Variants in ASIC2 observed in about 807,000 individuals in gnomAD.
The protein encoded by ASIC2 is acid-sensing ion channel 2.
Under a neutral mutation model 57.3 loss-of-function variants are expected in ASIC2, and 25 were observed. The observed-to-expected ratio is 0.44, with a 90% CI of 0.32 to 0.61. The LOEUF (loss-of-function observed/expected upper bound fraction) is 0.61. Among genes scored for constraint, ASIC2 ranks in the 20% least tolerant of loss-of-function variants. ASIC2 has a pLI of 0.06. For synonymous variants in ASIC2, 319 were observed against 307.5 expected (o/e 1.04, Z -0.39); for missense variants, 641 against 738.1 (o/e 0.87, Z 1.52).
At chr17:33,286,598 C>T (rs1273116051) in intron 1 of ASIC2, among the ~76,000 whole-genome samples, 1 of 152,180 alleles carries the variant, frequency 6.6e-6, no homozygotes, top group African/African-American at 2.4e-5. Context: ...TTTCATGTCT[C>T]TGAACTCTTG....
intron 2 of ASIC2, among the ~76,000 whole-genome samples, chr17:33,104,411 C>A (rs754528353): frequency 2.6e-5 from 4 of 152,186 alleles, no homozygotes; most frequent in Non-Finnish European, 4.4e-5. Flanking sequence ...TGGACACAGC[C>A]ATGGAACCAA....
At chr17:34,091,247 T>C (rs912635534) in intron 1 of ASIC2, among the ~76,000 whole-genome samples, 2 of 152,260 alleles carry the variant, frequency 1.3e-5, no homozygotes, top group African/African-American at 4.8e-5. Context: ...TCTTTTCACA[T>C]AATCCAATTG....
chr17:33,357,680 T>C (rs529752585), intron 1 of ASIC2, among the ~76,000 whole-genome samples: 86 of 152,294 alleles, frequency 5.6e-4, no homozygotes, highest in African/African-American at 2.0e-3. Context: ...CGATGGAATG[T>C]CAAATTCCAG....
chr17:33,757,222 T>C (rs1397959087), intron 1 of ASIC2, among the ~76,000 whole-genome samples: 1 of 152,224 alleles, frequency 6.6e-6, no homozygotes, highest in Non-Finnish European at 1.5e-5. Flanking sequence ...TTCTCTTTGC[T>C]GTCATTGTAC....
At chr17:33,285,393 C>T (rs1353163914) in intron 1 of ASIC2, among the ~76,000 whole-genome samples, 2 of 152,182 alleles carry the variant, frequency 1.3e-5, no homozygotes, top group Non-Finnish European at 2.9e-5. Flanking sequence ...GTACATTTCC[C>T]CCCTTAATTA....
chr17:33,180,752 C>G (rs1905949729), intron 1 of ASIC2, among the ~76,000 whole-genome samples: 1 of 152,136 alleles, frequency 6.6e-6, no homozygotes, highest in Non-Finnish European at 1.5e-5. Flanking sequence ...TTCCTATTGA[C>G]CAGACTCCTA....
At chr17:33,469,565 C>G (rs909048407) in intron 1 of ASIC2, among the ~76,000 whole-genome samples, 1 of 152,122 alleles carries the variant, frequency 6.6e-6, no homozygotes, top group East Asian at 1.9e-4. Flanking sequence ...TGCATGGACC[C>G]TCTGGAGCCA....
rs138311318 is a variant in ASIC2 at position 33,715,495 on chromosome 17, A to T, written c.555+440483T>A. Among the ~76,000 whole-genome samples the T allele has an allele frequency of 3.4e-3, 522 of 152,260 alleles. 2 individuals carry two copies. The highest frequency in any genetic ancestry group is 0.012 in the African/African-American group (497 of 41,550). On this transcript the variant is annotated intron_variant, in intron 1 of 9. Coordinates refer to the ASIC2 transcript ENST00000359872. The stretch of plus-strand genomic sequence containing the variant: ...CAGAGCTGTGTGGAGCAAAGCACAC[A>T]TCCTAGTTTTAATTGAGTTGTAGAA...
intron 1 of ASIC2, among the ~76,000 whole-genome samples, chr17:33,196,428 T>C (rs566252289): frequency 1.3e-5 from 2 of 152,004 alleles, no homozygotes; most frequent in African/African-American, 4.8e-5. Flanking sequence ...TAAAAATACA[T>C]GGGGTACCTG....
intron 1 of ASIC2, among the ~76,000 whole-genome samples, chr17:33,823,525 C>T (rs1397679755): frequency 6.6e-6 from 1 of 152,162 alleles, no homozygotes; most frequent in Non-Finnish European, 1.5e-5. Flanking sequence ...AGCTTCCAGC[C>T]GTGTCTGTGA....
At chr17:33,626,119 A>G (rs755154578) in intron 1 of ASIC2, among the ~76,000 whole-genome samples, 7 of 152,216 alleles carry the variant, frequency 4.6e-5, no homozygotes, top group Non-Finnish European at 8.8e-5. Context: ...GCAGCTGTAG[A>G]ATGCAGTGGG....
intron 1 of ASIC2, among the ~76,000 whole-genome samples, chr17:34,097,524 G>T (rs1398634004): frequency 1.3e-5 from 2 of 152,146 alleles, no homozygotes; most frequent in Admixed American, 6.5e-5. Flanking sequence ...CTAAAGTGAG[G>T]TCACACTGGA....
At chr17:33,253,989 G>A (rs1169672685) in intron 1 of ASIC2, among the ~76,000 whole-genome samples, 1 of 152,062 alleles carries the variant, frequency 6.6e-6, no homozygotes, top group African/African-American at 2.4e-5. Flanking sequence ...TTTTTGTTTT[G>A]TGAACTACAG....
At chr17:33,982,589 T>C (rs919371617) in intron 1 of ASIC2, among the ~76,000 whole-genome samples, 2 of 152,248 alleles carry the variant, frequency 1.3e-5, no homozygotes, top group African/African-American at 4.8e-5. Flanking sequence ...ATCTAGTGTC[T>C]CTCTGTATTT....
chr17:33,092,969 C>T (rs970366530), intron 2 of ASIC2, among the ~76,000 whole-genome samples: 1 of 152,136 alleles, frequency 6.6e-6, no homozygotes, highest in Admixed American at 6.5e-5. Flanking sequence ...TGCCTAGGTT[C>T]TGGAGGACAC....
intron 1 of ASIC2, among the ~76,000 whole-genome samples, chr17:33,985,004 T>C (rs1330379923): frequency 1.3e-5 from 2 of 152,164 alleles, no homozygotes; most frequent in East Asian, 1.9e-4. Context: ...AAAGTGGCAT[T>C]TGGGGACTGC....
At chr17:33,213,133 C>T (rs1025016112) in intron 1 of ASIC2, among the ~76,000 whole-genome samples, 1 of 152,238 alleles carries the variant, frequency 6.6e-6, no homozygotes, top group Non-Finnish European at 1.5e-5. Flanking sequence ...TCTTGAGGCT[C>T]CTTGTGTTGG....
intron 1 of ASIC2, among the ~76,000 whole-genome samples, chr17:33,990,526 C>T (rs996541731): frequency 5.9e-5 from 9 of 152,142 alleles, no homozygotes; most frequent in Non-Finnish European, 1.3e-4. Flanking sequence ...CAAAGACCAA[C>T]AAGCACTGAA....
intron 1 of ASIC2, among the ~76,000 whole-genome samples, chr17:33,951,283 G>A (rs890842708): frequency 2.0e-5 from 3 of 151,988 alleles, no homozygotes; most frequent in Non-Finnish European, 2.9e-5. Context: ...GATTTCCATT[G>A]TACAGATGAA....
Sources: gnomAD v4.1 joint callset for allele counts (sites outside exome capture counted in the v4.1 genomes callset) on GRCh38, gnomAD v4.1.1 for gene constraint, MANE v1.5 for transcripts, NCBI Gene and HGNC (gene_info 2026-07-23, HGNC 2026-07-21) for gene names.